EXOC4: variants seen among roughly 807,000 people sequenced by gnomAD.
The protein encoded by EXOC4 is exocyst complex component 4, also known as SEC8-like 1.
Under a neutral mutation model 107.2 loss-of-function variants are expected in EXOC4, and 71 were observed. The ratio of observed to expected loss-of-function variants is 0.66; its 90% CI spans 0.55 to 0.81. EXOC4 has a LOEUF of 0.81. Among genes scored for constraint, EXOC4 ranks in the 30% least tolerant of loss-of-function variants. The pLI, the probability that EXOC4 is intolerant of heterozygous loss-of-function variation, is 0.00. For synonymous variants in EXOC4, 456 were observed against 441.2 expected, an observed-to-expected ratio of 1.03 and a Z score of -0.42; for missense variants, 1,108 against 1,189.6, an observed-to-expected ratio of 0.93 and a Z score of 1.01.
At chr7:133,789,129 C>T (rs1389265516) in intron 10 of EXOC4, among the ~76,000 whole-genome samples, 2 of 152,090 alleles carry the variant, frequency 1.3e-5, no homozygotes, top group East Asian at 3.9e-4. Flanking sequence ...TAGATTATGG[C>T]ACTTCGTCAG....
chr7:133,514,178 T>C (rs1030946359), intron 9 of EXOC4, among the ~76,000 whole-genome samples: 1 of 151,964 alleles, frequency 6.6e-6, no homozygotes, highest in African/African-American at 2.4e-5. Flanking sequence ...TTTTTTTTTC[T>C]TTTGAGACAG....
At chr7:133,631,117 T>C (rs1227697241) in intron 10 of EXOC4, among the ~76,000 whole-genome samples, 2 of 152,142 alleles carry the variant, frequency 1.3e-5, no homozygotes, top group Non-Finnish European at 2.9e-5. Flanking sequence ...TCCAGATATC[T>C]AATATATCAA....
chr7:133,817,690 T>G lies in EXOC4; in HGVS notation c.1734+146T>G, dbSNP rs950756220. On this transcript the variant is annotated intron_variant, in intron 11 of 17. Coordinates refer to ENST00000253861, the MANE Select transcript of EXOC4 (RefSeq NM_021807.4). The stretch of plus-strand genomic sequence containing the variant: ...GAAAATAAATAGGCACTAGGGAAAT[T>G]TAGATTTAATGTAGTTGGATAATGG... 3.6e-5 allele frequency: 22 copies of G among 612,362 alleles called. No homozygotes were observed. The South Asian group carries it at 4.8e-4, about 13-fold the overall frequency. The allele number at this position is 612,362 out of a possible 1,614,324, so 37.9% of individuals were successfully genotyped here.
intron 7 of EXOC4, among the ~76,000 whole-genome samples, chr7:133,383,655 A>G (rs1162437852): frequency 2.0e-5 from 3 of 152,174 alleles, no homozygotes; most frequent in Non-Finnish European, 4.4e-5. Context: ...TCTATTTTGA[A>G]TTCAGGTCTG....
At chr7:133,458,745 C>T (rs991159710) in intron 7 of EXOC4, among the ~76,000 whole-genome samples, 3 of 152,170 alleles carry the variant, frequency 2.0e-5, no homozygotes, top group African/African-American at 7.2e-5. Context: ...CATTTTTAGT[C>T]AAGTGCATGA....
intron 9 of EXOC4, among the ~76,000 whole-genome samples, chr7:133,601,524 T>G (rs2150987359): frequency 6.6e-6 from 1 of 152,348 alleles, no homozygotes; most frequent in South Asian, 2.1e-4. Flanking sequence ...GACATGATCT[T>G]TATAAATAAA....
In EXOC4 at chr7:134,001,528, TTA is replaced by T. The variant is rs1794531521; in HGVS notation, c.2349-3380_2349-3379del. Among the ~76,000 whole-genome samples, 4 of 152,088 alleles carry T rather than the reference TTA, an allele frequency of 2.6e-5. No individual in the cohort carries two copies. The South Asian group carries it at 8.3e-4, about 32-fold the overall frequency. ...AAGAAGATAATACCTTAAAGAAAGGTTATATGTCTTCTCCCCCAGTAGCTTGA... is the reference window on the plus strand; with the variant it reads ...AAGAAGATAATACCTTAAAGAAAGGTTATGTCTTCTCCCCCAGTAGCTTGA... On this transcript the variant is annotated intron_variant, in intron 15 of 17. Coordinates refer to ENST00000253861, the MANE Select transcript of EXOC4 (RefSeq NM_021807.4).
intron 12 of EXOC4, among the ~76,000 whole-genome samples, chr7:133,902,804 G>C (rs897882410): frequency 1.3e-5 from 2 of 151,610 alleles, no homozygotes; most frequent in African/African-American, 4.9e-5. Context: ...GCAGTGAGCC[G>C]AGATTGCGCC....
At chr7:133,975,102 G>A (rs1477989615) in intron 14 of EXOC4, among the ~76,000 whole-genome samples, 1 of 151,894 alleles carries the variant, frequency 6.6e-6, no homozygotes, top group Admixed American at 6.6e-5. Flanking sequence ...TAAGTACAGT[G>A]TGGGAAATAT....
At chr7:133,429,060 T>C (rs1404501748) in intron 7 of EXOC4, among the ~76,000 whole-genome samples, 1 of 152,004 alleles carries the variant, frequency 6.6e-6, no homozygotes, top group Non-Finnish European at 1.5e-5. Context: ...AGAGGCGTGG[T>C]TTGAGAATAG....
chr7:133,596,849 C>G (rs564956752), intron 9 of EXOC4, among the ~76,000 whole-genome samples: 1 of 152,194 alleles, frequency 6.6e-6, no homozygotes, highest in Non-Finnish European at 1.5e-5. Flanking sequence ...GAAGACCCTA[C>G]GTCTCATTAG....
chr7:133,912,691 A>G (rs1325814368), intron 12 of EXOC4, among the ~76,000 whole-genome samples: 2 of 152,176 alleles, frequency 1.3e-5, no homozygotes, highest in African/African-American at 4.8e-5. Context: ...TAGGGACAGA[A>G]AAACTAAGAA....
intron 10 of EXOC4, among the ~76,000 whole-genome samples, chr7:133,692,611 A>G (rs1794445973): frequency 6.6e-6 from 1 of 152,210 alleles, no homozygotes; most frequent in African/African-American, 2.4e-5. Context: ...CTCCCCTTCC[A>G]ATGAATCAGA....
chr7:133,414,771 T>C (rs1022560784), intron 7 of EXOC4, among the ~76,000 whole-genome samples: 6 of 152,170 alleles, frequency 3.9e-5, no homozygotes, highest in African/African-American at 1.4e-4. Flanking sequence ...TTTTGAGATA[T>C]AAGTTTGATA....
At chr7:133,676,004 T>A (rs1264418753) in intron 10 of EXOC4, among the ~76,000 whole-genome samples, 2 of 152,166 alleles carry the variant, frequency 1.3e-5, no homozygotes, top group African/African-American at 4.8e-5. Flanking sequence ...TGTGGCAATG[T>A]CGTCTGCTTC....
intron 5 of EXOC4, among the ~76,000 whole-genome samples, chr7:133,345,458 A>G (rs1795762568): frequency 6.6e-6 from 1 of 152,144 alleles, no homozygotes; most frequent in African/African-American, 2.4e-5. Flanking sequence ...CAGTTTATTC[A>G]TCTGTTCCTT....
intron 1 of EXOC4, among the ~76,000 whole-genome samples, chr7:133,265,418 A>AG (rs1793703831): frequency 6.6e-6 from 1 of 151,656 alleles, no homozygotes; most frequent in Non-Finnish European, 1.5e-5. Flanking sequence ...AAAAAAAAAA[A>AG]ATTCACTGGA....
At chr7:133,822,211 G>C (rs1046465022) in intron 11 of EXOC4, among the ~76,000 whole-genome samples, 1 of 152,172 alleles carries the variant, frequency 6.6e-6, no homozygotes, top group African/African-American at 2.4e-5. Context: ...CGGAGTTCTG[G>C]AAACAGTCCA....
intron 7 of EXOC4, among the ~76,000 whole-genome samples, chr7:133,426,601 C>A (rs1453909793): frequency 6.6e-6 from 1 of 152,196 alleles, no homozygotes; most frequent in Non-Finnish European, 1.5e-5. Flanking sequence ...AGAAATACAT[C>A]ATTGAAATTA....
Sources: allele counts gnomAD v4.1 joint callset (sites outside exome capture counted in the v4.1 genomes callset), GRCh38; gene constraint gnomAD v4.1.1; transcripts MANE v1.5; gene names NCBI Gene and HGNC (gene_info 2026-07-23, HGNC 2026-07-21).